The following DNER variants were observed in gnomAD, a reference collection of about 807,000 sequenced individuals.
DNER encodes delta and Notch-like epidermal growth factor-related receptor.
DNER carries 33 observed loss-of-function variants against 78.2 expected under a neutral mutation model. That is an observed-to-expected ratio of 0.42 (90% confidence interval 0.32 to 0.56). The LOEUF is 0.56. DNER is among the 20% of genes least tolerant of loss of function. DNER has a pLI of 0.11. For missense variants in DNER, 918 were observed against 975.3 expected, an observed-to-expected ratio of 0.94 and a Z score of 0.78; for synonymous variants, 417 against 384.8, an observed-to-expected ratio of 1.08 and a Z score of -0.98.
At chr2:229,517,555 T>C (rs183922444) in intron 5 of DNER, among the ~76,000 whole-genome samples, 142 of 152,288 alleles carry the variant, frequency 9.3e-4, no homozygotes, top group Non-Finnish European at 1.8e-3. Context: ...AGGTGGACCA[T>C]GCCTCACATG....
chr2:229,434,878 CT>C (rs1694087928), intron 8 of DNER, among the ~76,000 whole-genome samples: 1 of 151,018 alleles, frequency 6.6e-6, no homozygotes, highest in African/African-American at 2.4e-5. Flanking sequence ...TTTCTTTCTC[CT>C]CAAATCTGCT....
rs147556974 is a variant in DNER at position 229,653,320 on chromosome 2, G to A, written c.276+60828C>T. Among the ~76,000 whole-genome samples, 825 of 152,314 alleles carry A rather than the reference G, an allele frequency of 5.4e-3. 8 individuals are homozygous for A. The highest frequency in any genetic ancestry group is 0.018 in the African/African-American group (764 of 41,576). Reference sequence around the variant, plus strand: ...CTCTGCTGGGCAGAGCAGTAGGAAAGGCATTGTCTCTCCCAGCTCCCAGAG... The same window carrying A: ...CTCTGCTGGGCAGAGCAGTAGGAAAAGCATTGTCTCTCCCAGCTCCCAGAG... On this transcript the variant is annotated intron_variant, in intron 1 of 12. Transcript: ENST00000341772.
intron 1 of DNER, among the ~76,000 whole-genome samples, chr2:229,666,951 GT>G (rs777366377): frequency 3.5e-4 from 53 of 152,306 alleles, no homozygotes; most frequent in Non-Finnish European, 2.2e-4. Flanking sequence ...ACCAAATCCT[GT>G]CCCTCTGCAG....
At chr2:229,409,491 G>T (rs1361236026) in intron 9 of DNER, among the ~76,000 whole-genome samples, 1 of 152,116 alleles carries the variant, frequency 6.6e-6, no homozygotes, top group Non-Finnish European at 1.5e-5. Flanking sequence ...TTAAAAACCA[G>T]ACTGAAAAGC....
intron 1 of DNER, among the ~76,000 whole-genome samples, chr2:229,655,922 G>A (rs1257180395): frequency 6.6e-6 from 1 of 151,968 alleles, no homozygotes; most frequent in Admixed American, 6.6e-5. Flanking sequence ...AGGCATTCAC[G>A]TTAAGCTGCC....
At chr2:229,557,007 C>T (rs1453204767) in intron 4 of DNER, among the ~76,000 whole-genome samples, 1 of 152,144 alleles carries the variant, frequency 6.6e-6, no homozygotes, top group African/African-American at 2.4e-5. Flanking sequence ...TAATGAAAAG[C>T]AATACTGTCC....
At chr2:229,623,742 A>T (rs1233120847) in intron 1 of DNER, among the ~76,000 whole-genome samples, 1 of 152,216 alleles carries the variant, frequency 6.6e-6, no homozygotes, top group Admixed American at 6.5e-5. Context: ...GCATCAGGTG[A>T]GTGGGGACCT....
Position 229,465,124 on chromosome 2 carries a change from T to C in DNER, c.1261+12016A>G, listed in dbSNP as rs575127335. Among the ~76,000 whole-genome samples the C allele has an allele frequency of 2.0e-5, 3 of 152,322 alleles. No homozygotes were observed. The East Asian group carries it at 5.8e-4, about 29-fold the overall frequency. The stretch of plus-strand genomic sequence containing the variant: ...GAAATCATTCTATTATAAAGATGCA[T>C]GCATGTGTATGTTCATTGCAGCACT... On this transcript the variant is annotated intron_variant, in intron 7 of 12. Transcript: ENST00000341772.
chr2:229,602,515 T>C (rs571379823), intron 1 of DNER, among the ~76,000 whole-genome samples: 1 of 152,204 alleles, frequency 6.6e-6, no homozygotes, highest in South Asian at 2.1e-4. Flanking sequence ...AAAGAAAGTA[T>C]AAGGATCCAC....
chr2:229,594,196 C>T (rs554026495), intron 1 of DNER, among the ~76,000 whole-genome samples: 2 of 152,340 alleles, frequency 1.3e-5, no homozygotes, highest in African/African-American at 2.4e-5. Context: ...CCAAGATAGC[C>T]GTTTTGAGTT....
intron 8 of DNER, among the ~76,000 whole-genome samples, chr2:229,418,945 A>C (rs912417642): frequency 6.6e-6 from 1 of 152,048 alleles, no homozygotes; most frequent in African/African-American, 2.4e-5. Flanking sequence ...AAGAAAACAA[A>C]AAGTGTGAGA....
intron 9 of DNER, among the ~76,000 whole-genome samples, chr2:229,411,023 T>G (rs1693506915): frequency 6.6e-6 from 1 of 152,190 alleles, no homozygotes; most frequent in Non-Finnish European, 1.5e-5. Flanking sequence ...AGCCTTAGCC[T>G]CATTATTCCT....
chr2:229,376,347 C>G (rs1420758396), intron 11 of DNER, among the ~76,000 whole-genome samples: 2 of 152,098 alleles, frequency 1.3e-5, no homozygotes, highest in African/African-American at 2.4e-5. Flanking sequence ...CCAGAAGGCC[C>G]TATCTATGAG....
At chr2:229,457,088 G>A (rs1574851754) in intron 7 of DNER, among the ~76,000 whole-genome samples, 1 of 151,962 alleles carries the variant, frequency 6.6e-6, no homozygotes, top group South Asian at 2.1e-4. Context: ...TAGTAATCAA[G>A]GTTAATTAAG....
chr2:229,539,992 C>T (rs190811387), intron 5 of DNER, among the ~76,000 whole-genome samples: 1 of 152,122 alleles, frequency 6.6e-6, no homozygotes, highest in Non-Finnish European at 1.5e-5. Context: ...GTACCAGACA[C>T]ACAGCAGGTG....
chr2:229,685,717 G>T (rs895671205), intron 1 of DNER, among the ~76,000 whole-genome samples: 2 of 152,156 alleles, frequency 1.3e-5, no homozygotes, highest in Non-Finnish European at 2.9e-5. Flanking sequence ...ATTCAACAAT[G>T]GTCATTGAGC....
intron 1 of DNER, among the ~76,000 whole-genome samples, chr2:229,663,639 G>A (rs1294533124): frequency 6.6e-6 from 1 of 152,208 alleles, no homozygotes; most frequent in African/African-American, 2.4e-5. Flanking sequence ...CAAAGCAGAA[G>A]TTCCATCTGG....
At chr2:229,365,776 C>G (rs1036185422) in intron 12 of DNER, among the ~76,000 whole-genome samples, 2 of 152,132 alleles carry the variant, frequency 1.3e-5, no homozygotes, top group Non-Finnish European at 2.9e-5. Context: ...ATAGGACATC[C>G]CAAGATAGAT....
chr2:229,649,633 T>A (rs1574943073), intron 1 of DNER, among the ~76,000 whole-genome samples: 1 of 152,244 alleles, frequency 6.6e-6, no homozygotes. Context: ...ATATGAGGAC[T>A]ATAGCAATTG....
Sources: allele counts gnomAD v4.1 joint callset (sites outside exome capture counted in the v4.1 genomes callset), GRCh38; gene constraint gnomAD v4.1.1; transcripts MANE v1.5; gene names NCBI Gene and HGNC (gene_info 2026-07-23, HGNC 2026-07-21).